The following ZNF184 variants were observed in gnomAD, a reference collection of about 807,000 sequenced individuals.
ZNF184 encodes the protein zinc finger protein 184 (Kruppel-like).
In ZNF184, 16 loss-of-function variants were observed where a neutral mutation model predicts 54.4. The observed-to-expected ratio is 0.29, with a 90% CI of 0.20 to 0.45. The LOEUF is 0.45. ZNF184 is among the 20% of genes least tolerant of loss of function. The pLI is 1.00. For missense variants in ZNF184, 681 were observed against 888.2 expected, an observed-to-expected ratio of 0.77 and a Z score of 2.97; for synonymous variants, 254 against 295.3, an observed-to-expected ratio of 0.86 and a Z score of 1.43.
chr6:27,432,091 C>G, the ZNF184 span, among the ~76,000 whole-genome samples: 2,097 of 152,200 alleles, frequency 0.014, 43 homozygotes, highest in African/African-American at 0.044. This position sits in a 1 kb window ranked among gnomAD's most constrained non-coding sequence, Gnocchi z 4.0. Context: ...ATAGTTTGAA[C>G]AACTCCCACC....
At chr6:27,410,631 A>G in the ZNF184 span, among the ~76,000 whole-genome samples, 1 of 152,150 alleles carries the variant, frequency 6.6e-6, no homozygotes. Context: ...TCCCGGGTTC[A>G]AGTGATTCTC....
downstream of ZNF184, among the ~76,000 whole-genome samples, chr6:27,448,547 G>A (rs1329034489): frequency 3.3e-5 from 5 of 152,074 alleles, no homozygotes. Flanking sequence ...AAAGTCCTGA[G>A]GAACTACACC....
chr6:27,436,919 A>G, the ZNF184 span, among the ~76,000 whole-genome samples: 1 of 152,218 alleles, frequency 6.6e-6, no homozygotes, highest in Admixed American at 6.5e-5. Flanking sequence ...TGGAGGCACA[A>G]ATAAAATTCT....
intron 3 of ZNF184, among the ~76,000 whole-genome samples, chr6:27,464,886 G>A (rs1354693822): frequency 1.3e-5 from 2 of 151,282 alleles, no homozygotes; most frequent in Non-Finnish European, 2.9e-5. Flanking sequence ...GCTTGGTGGC[G>A]AGCGCCAGTA....
Position 27,451,407 on chromosome 6 carries a change from T to A in ZNF184, c.2152A>T (p.Arg718Ter). The A allele has an allele frequency of 6.2e-7, 1 of 1,614,198 alleles. No homozygotes were observed. The highest frequency in any genetic ancestry group is 1.1e-5 in the South Asian group (1 of 91,086). The change falls in exon 6 of 6, where the codon AGA (arginine) becomes TGA (stop). Residue 718 changes from arginine (R) to a stop codon, truncating the protein, a stop_gained. Transcript: ENST00000683788. LOFTEE classifies it high-confidence loss of function. ...SQSTYLIQHQRIHSGEKPFGC... is the reference protein window; with the variant it reads ...SQSTYLIQHQ ...AAAGGCTTCTCTCCTGAATGAATTC[T>A]CTGGTGCTGAATGAGATATGTGCTC... is the stretch of plus-strand genomic sequence containing the variant.
intron 3 of ZNF184, among the ~76,000 whole-genome samples, chr6:27,462,766 G>A (rs997226979): frequency 1.3e-5 from 2 of 151,150 alleles, no homozygotes; most frequent in Non-Finnish European, 2.9e-5. Flanking sequence ...TCAGGAGGCT[G>A]AGGCAGGAGA....
At chr6:27,411,193 A>G in the ZNF184 span, among the ~76,000 whole-genome samples, 1 of 152,186 alleles carries the variant, frequency 6.6e-6, no homozygotes, top group Admixed American at 6.5e-5. Context: ...ATATGGCCTC[A>G]CATAGGGGAA....
the ZNF184 span, among the ~76,000 whole-genome samples, chr6:27,442,870 G>GA: frequency 0.014 from 417 of 30,732 alleles, 55 homozygotes; most frequent in Middle Eastern, 0.067. Context: ...AAGAAAGAAA[G>GA]AAAGAAAGAA....
At chr6:27,414,510 CTT>C in the ZNF184 span, among the ~76,000 whole-genome samples, 1 of 152,068 alleles carries the variant, frequency 6.6e-6, no homozygotes, top group Admixed American at 6.6e-5. Flanking sequence ...ACACTGGCCT[CTT>C]TGTTATTCTT....
chr6:27,443,843 C>T, the ZNF184 span, among the ~76,000 whole-genome samples: 2 of 152,120 alleles, frequency 1.3e-5, no homozygotes, highest in East Asian at 3.9e-4. Context: ...TTCCACAGGA[C>T]ATCACTATAA....
the ZNF184 span, among the ~76,000 whole-genome samples, chr6:27,423,863 C>T: frequency 2.2e-4 from 33 of 152,240 alleles, 1 homozygote; most frequent in East Asian, 1.9e-4. Flanking sequence ...ATTTTGAATT[C>T]TTATACCACG....
chr6:27,404,670 T>C, the ZNF184 span: 1 of 152,158 alleles, frequency 6.6e-6, no homozygotes, highest in African/African-American at 2.4e-5. Flanking sequence ...CAATTATATG[T>C]TTGTGGTGAT....
intron 2 of ZNF184, 149 bp from the exon 3 acceptor site, chr6:27,468,069 T>C: frequency 1.6e-6 from 1 of 644,936 alleles, no homozygotes; most frequent in South Asian, 2.5e-5. Flanking sequence ...ACAAGATAAC[T>C]GGGGCCCTGG....
downstream of ZNF184, among the ~76,000 whole-genome samples, chr6:27,449,718 T>C (rs1165492346): frequency 6.6e-6 from 1 of 152,000 alleles, no homozygotes; most frequent in Non-Finnish European, 1.5e-5. Flanking sequence ...GCTACTGCAC[T>C]CCAGCCTGGG....
chr6:27,438,716 AT>A, the ZNF184 span, among the ~76,000 whole-genome samples: 3 of 152,296 alleles, frequency 2.0e-5, no homozygotes, highest in East Asian at 5.8e-4. Flanking sequence ...ATAATTAAGA[AT>A]TTGGGGGCCA....
chr6:27,465,016 C>CAAAAAAAAAAAAAAAAAAAAAAA lies in ZNF184; in HGVS notation c.75+2836_75+2837insTTTTTTTTTTTTTTTTTTTTTTT, dbSNP rs61602778. ...TGGGCGACAGAGCAAGACTCTGTCTCAAAAAAAAAAAAAAAAAAAAATAGA... is the reference window on the plus strand; with the variant it reads ...TGGGCGACAGAGCAAGACTCTGTCTCAAAAAAAAAAAAAAAAAAAAAAAAAAAAAAAAAAAAAAAAAAAATAGA... On this transcript the variant is annotated intron_variant, in intron 3 of 5. Coordinates refer to ENST00000683788, the MANE Select transcript of ZNF184 (RefSeq NM_001318891.2). Among the ~76,000 whole-genome samples, 7 of 48,916 alleles carry CAAAAAAAAAAAAAAAAAAAAAAA rather than the reference C, an allele frequency of 1.4e-4. 1 individual carries two copies. Among genetic ancestry groups the CAAAAAAAAAAAAAAAAAAAAAAA allele is most frequent in the African/African-American group, 4.6e-4 (4 of 8,696 alleles). The allele number at this position is 48,916 out of a possible 152,430, so 32.1% of individuals were successfully genotyped here.
intron 3 of ZNF184, among the ~76,000 whole-genome samples, chr6:27,466,816 G>T (rs1763151378): frequency 6.6e-6 from 1 of 152,112 alleles, no homozygotes; most frequent in African/African-American, 2.4e-5. Flanking sequence ...GGTTGATTAT[G>T]GCTGGTGAGC....
chr6:27,409,995 C>T, the ZNF184 span, among the ~76,000 whole-genome samples: 1 of 152,016 alleles, frequency 6.6e-6, no homozygotes, highest in Non-Finnish European at 1.5e-5. Context: ...AAATATTTAC[C>T]ATTGTATTAC....
chr6:27,420,007 C>T, the ZNF184 span, among the ~76,000 whole-genome samples: 2 of 152,180 alleles, frequency 1.3e-5, no homozygotes, highest in African/African-American at 2.4e-5. Flanking sequence ...GTCTGGAATC[C>T]TTTTCCCTTT....
Sources: gnomAD v4.1 joint callset for allele counts (sites outside exome capture counted in the v4.1 genomes callset) on GRCh38, gnomAD v4.1.1 for gene constraint, Gnocchi (gnomAD v3.1) non-coding constraint, MANE v1.5 for transcripts, NCBI Gene and HGNC (gene_info 2026-07-23, HGNC 2026-07-21) for gene names.